PAK3: variants seen among roughly 807,000 people sequenced by gnomAD.
The protein encoded by PAK3 is p21 (RAC1) activated kinase 3.
In PAK3, 4 loss-of-function variants were observed where a neutral mutation model predicts 41.0. That is an observed-to-expected ratio of 0.10 (90% confidence interval 0.05 to 0.22). The LOEUF (loss-of-function observed/expected upper bound fraction) is 0.22. Among genes scored for constraint, PAK3 ranks in the 10% least tolerant of loss-of-function variants. The pLI, the probability that PAK3 is intolerant of heterozygous loss-of-function variation, is 1.00. For synonymous variants in PAK3, 146 were observed against 139.6 expected, an observed-to-expected ratio of 1.05 and a Z score of -0.32; for missense variants, 205 against 409.9, an observed-to-expected ratio of 0.50 and a Z score of 4.32.
At chrX:111,137,865 C>T (rs767169807) in intron 5 of PAK3, among the ~76,000 whole-genome samples, 1 of 111,714 alleles carries the variant, frequency 9.0e-6, no homozygotes, top group East Asian at 2.8e-4. Flanking sequence ...CTTCTGCTCT[C>T]TGCAAATATC....
intron 1 of PAK3, among the ~76,000 whole-genome samples, chrX:110,983,379 C>T (rs1354867649): frequency 9.1e-6 from 1 of 109,735 alleles, no homozygotes; most frequent in Non-Finnish European, 1.9e-5. Flanking sequence ...GATGGAGAAT[C>T]CCTGTCCTTG....
At chrX:111,059,960 G>A (rs142850685) in intron 1 of PAK3, among the ~76,000 whole-genome samples, 146 of 111,333 alleles carry the variant, frequency 1.3e-3, no homozygotes, top group Non-Finnish European at 2.1e-3. Flanking sequence ...AGAATCCTCA[G>A]TACAATGTTT....
chrX:111,019,690 C>CAAAAAAA (rs147611129), intron 1 of PAK3, among the ~76,000 whole-genome samples: 1 of 53,430 alleles, frequency 1.9e-5, no homozygotes, highest in Non-Finnish European at 3.0e-5. Context: ...ACCCTGCCTC[C>CAAAAAAA]AAAAAAAAAA....
At chrX:111,126,481 G>A (rs17320854) in intron 5 of PAK3, among the ~76,000 whole-genome samples, 1,953 of 110,772 alleles carry the variant, frequency 0.018, 19 homozygotes, top group Middle Eastern at 0.033. Flanking sequence ...CTTAACCACA[G>A]TCAGTCTTGA....
chrX:111,050,245 G>A (rs887542140), intron 1 of PAK3, among the ~76,000 whole-genome samples: 11 of 111,168 alleles, frequency 9.9e-5, no homozygotes, highest in South Asian at 7.7e-4. Flanking sequence ...AGGAAGCACC[G>A]TGATCCTTTT....
At position 110,998,705 on chromosome X, in the gene PAK3, G is replaced by A. The variant is rs12013791; in HGVS notation, c.-28+54077G>A. Among the ~76,000 whole-genome samples the A allele has an allele frequency of 8.8e-3, 992 of 112,225 alleles. 10 individuals are homozygous for A. The highest frequency in any genetic ancestry group is 0.03 in the African/African-American group (935 of 30,950). Reference sequence around the variant, plus strand: ...TAGAATGTAAGCTTATTGAGGGCAAGGACTTTGTCTTGTGCATATTCAGCA... The same window carrying A: ...TAGAATGTAAGCTTATTGAGGGCAAAGACTTTGTCTTGTGCATATTCAGCA... On this transcript the variant is annotated intron_variant, in intron 1 of 14. Coordinates refer to the PAK3 transcript ENST00000425146.
intron 1 of PAK3, among the ~76,000 whole-genome samples, chrX:111,086,116 AG>A (rs758692590): frequency 3.4e-5 from 1 of 29,094 alleles, no homozygotes; most frequent in East Asian, 1.1e-3. Context: ...TGCACTGGGC[AG>A]GGGGGCGGTG....
intron 1 of PAK3, among the ~76,000 whole-genome samples, chrX:111,036,335 G>A (rs993391210): frequency 8.9e-6 from 1 of 112,291 alleles, no homozygotes; most frequent in African/African-American, 3.2e-5. Flanking sequence ...GTCCATTCTC[G>A]TGCTGCTATG....
intron 16 of PAK3, among the ~76,000 whole-genome samples, chrX:111,204,998 G>A (rs1226880082): frequency 1.1e-5 from 1 of 90,971 alleles, no homozygotes; most frequent in African/African-American, 4.3e-5. Flanking sequence ...GAGAGATCTA[G>A]ACAAGGAACT....
At position 111,127,052 on chromosome X, in the gene PAK3, T is replaced by C. The variant is rs1263660730; in HGVS notation, c.175+3774T>C. On this transcript the variant is annotated intron_variant, in intron 5 of 17. Coordinates refer to ENST00000372007, the MANE Select transcript of PAK3 (RefSeq NM_002578.5). ...AATGTTAATATTTTGGTGGATTTATTTCCAGTCTTTTTCTATGGCTATATG... is the reference window on the plus strand; with the variant it reads ...AATGTTAATATTTTGGTGGATTTATCTCCAGTCTTTTTCTATGGCTATATG... 7.1e-5 allele frequency among the ~76,000 whole-genome samples: 8 copies of C among 111,954 alleles called. No homozygotes were observed. The East Asian group carries it at 2.0e-3, about 28-fold the overall frequency.
intron 3 of PAK3, among the ~76,000 whole-genome samples, chrX:111,099,963 T>C (rs185473508): frequency 1.6e-4 from 18 of 109,254 alleles, no homozygotes; most frequent in African/African-American, 5.3e-4. Context: ...CCTCCAGTTT[T>C]AGGGAAAACA....
chrX:110,979,293 TTTC>T (rs200933284), intron 1 of PAK3, among the ~76,000 whole-genome samples: 4,077 of 13,573 alleles, frequency 0.3, 309 homozygotes, highest in Non-Finnish European at 0.5. Flanking sequence ...CTCTATTACT[TTTC>T]TTTTTTTTTT....
chrX:111,192,710 A>G, intron 13 of PAK3, 92 bp downstream of exon 13: 1 of 522,387 alleles, frequency 1.9e-6, no homozygotes. Context: ...TTCATTTAAC[A>G]TTCTGCAAAT....
chrX:111,209,319 T>C (rs1179777159), intron 16 of PAK3, among the ~76,000 whole-genome samples: 1 of 111,906 alleles, frequency 8.9e-6, no homozygotes, highest in Non-Finnish European at 1.9e-5. Flanking sequence ...CTCAGTTTCT[T>C]CTCAATTGGA....
At chrX:111,063,063 G>A (rs866408435) in intron 1 of PAK3, among the ~76,000 whole-genome samples, 38 of 112,050 alleles carry the variant, frequency 3.4e-4, no homozygotes, top group African/African-American at 1.2e-3. Context: ...TGCCTAAGAG[G>A]TGCTTTCCTC....
At chrX:111,213,687 C>T (rs1302346174) in intron 16 of PAK3, among the ~76,000 whole-genome samples, 1 of 111,697 alleles carries the variant, frequency 9.0e-6, no homozygotes, top group Non-Finnish European at 1.9e-5. Context: ...AAAGGAAGAA[C>T]AGTGACTTTG....
intron 1 of PAK3, among the ~76,000 whole-genome samples, chrX:111,003,578 G>A (rs1342676224): frequency 4.5e-5 from 5 of 111,648 alleles, no homozygotes; most frequent in Non-Finnish European, 9.4e-5. Flanking sequence ...GTGGGAGGGA[G>A]AAGGGAACTT....
intron 3 of PAK3, among the ~76,000 whole-genome samples, chrX:111,102,679 G>C (rs1377281852): frequency 1.8e-5 from 2 of 112,236 alleles, no homozygotes; most frequent in African/African-American, 6.5e-5. Context: ...TTGTCCACTG[G>C]ACTCTACCAC....
In PAK3 at chrX:111,220,945, C is replaced by CAAAAAAAAAAAAAAAACAAAAA. The variant is rs2094923339; in HGVS notation, c.*514_*515insCAAAAAAAAAAAAAAAAAAAAA. 1 of 49,441 alleles carries CAAAAAAAAAAAAAAAACAAAAA rather than the reference C, an allele frequency of 2.0e-5. No homozygotes were observed. Among genetic ancestry groups the CAAAAAAAAAAAAAAAACAAAAA allele is most frequent in the Non-Finnish European group, 3.5e-5 (1 of 28,196 alleles). The allele number at this position is 49,441 out of a possible 1,213,427, so 4.1% of individuals were successfully genotyped here. ...AAAAAAGAAAGCAAAAAAAGCAAGG[C>CAAAAAAAAAAAAAAAACAAAAA]AAAAAAAAAAAAAAAAACAAACAAA... On this transcript the variant is annotated 3_prime_UTR_variant, in exon 18 of 18. Coordinates refer to ENST00000372007, the MANE Select transcript of PAK3 (RefSeq NM_002578.5).
Sources: allele counts gnomAD v4.1 joint callset (sites outside exome capture counted in the v4.1 genomes callset), GRCh38; gene constraint gnomAD v4.1.1; transcripts MANE v1.5; gene names NCBI Gene and HGNC (gene_info 2026-07-23, HGNC 2026-07-21).